PAFAH1B1: variants seen among roughly 807,000 people sequenced by gnomAD.
PAFAH1B1 encodes platelet-activating factor acetylhydrolase IB subunit beta.
Under a neutral mutation model 57.5 loss-of-function variants are expected in PAFAH1B1, and 2 were observed. The observed-to-expected ratio is 0.03, with a 90% CI of 0.01 to 0.11. The LOEUF is 0.11. Among genes scored for constraint, PAFAH1B1 ranks in the 10% least tolerant of loss-of-function variants. The pLI is 1.00. For synonymous variants in PAFAH1B1, 152 were observed against 169.6 expected (o/e 0.90, Z 0.81); for missense variants, 257 against 512.0 (o/e 0.50, Z 4.81).
At chr17:2,632,003 T>A (rs1170778258) in intron 1 of PAFAH1B1, among the ~76,000 whole-genome samples, 2 of 152,256 alleles carry the variant, frequency 1.3e-5, no homozygotes, top group Non-Finnish European at 2.9e-5. Flanking sequence ...ATTCAAAGCC[T>A]GTCTTGTTTC....
chr17:2,637,464 G>A (rs1023846805), intron 1 of PAFAH1B1, among the ~76,000 whole-genome samples: 3 of 152,036 alleles, frequency 2.0e-5, no homozygotes, highest in East Asian at 3.9e-4. Flanking sequence ...TGTGCCTGTC[G>A]TCCCAGCTGC....
At chr17:2,674,324 C>A in intron 8 of PAFAH1B1, 36 bp downstream of exon 8, 1 of 1,470,414 alleles carries the variant, frequency 6.8e-7, no homozygotes, top group Non-Finnish European at 9.5e-7. Flanking sequence ...GGTTTTATTG[C>A]TGATATCTGA....
intron 1 of PAFAH1B1, among the ~76,000 whole-genome samples, chr17:2,601,049 G>A (rs1314850879): frequency 6.6e-6 from 1 of 151,996 alleles, no homozygotes; most frequent in Non-Finnish European, 1.5e-5. Flanking sequence ...ACTTTTTATG[G>A]GTGAGGAAAG....
At chr17:2,609,313 G>A (rs1208858718) in intron 1 of PAFAH1B1, among the ~76,000 whole-genome samples, 1 of 149,150 alleles carries the variant, frequency 6.7e-6, no homozygotes, top group African/African-American at 2.5e-5. Flanking sequence ...CCCGGCTCCC[G>A]CTGCCTGCCT....
intron 1 of PAFAH1B1, among the ~76,000 whole-genome samples, chr17:2,595,515 A>T (rs1420302517): frequency 6.7e-6 from 1 of 148,412 alleles, no homozygotes; most frequent in Non-Finnish European, 1.5e-5. Flanking sequence ...TGTCATAGTG[A>T]TGTTGAATAT....
intron 5 of PAFAH1B1, 90 bp downstream of exon 5, chr17:2,667,288 T>G (rs571618081): frequency 2.3e-6 from 2 of 877,776 alleles, no homozygotes; most frequent in Non-Finnish European, 3.8e-6. Context: ...GAGCCGAGAT[T>G]GCACCACTGC....
upstream of PAFAH1B1, among the ~76,000 whole-genome samples, chr17:2,593,488 C>A (rs1208663224): frequency 5.3e-5 from 8 of 151,814 alleles, no homozygotes; most frequent in South Asian, 6.2e-4. Flanking sequence ...GCCGCCCGCC[C>A]GCTAGAAGGC....
chr17:2,638,649 A>C (rs1485224785), intron 2 of PAFAH1B1: 1 of 267,718 alleles, frequency 3.7e-6, no homozygotes. Context: ...CTGGGATTAC[A>C]GGCACCCGCT....
At chr17:2,647,819 A>C (rs533906140) in intron 2 of PAFAH1B1, among the ~76,000 whole-genome samples, 2 of 151,792 alleles carry the variant, frequency 1.3e-5, no homozygotes, top group Non-Finnish European at 2.9e-5. Context: ...CCTGGCTAAC[A>C]CAGTGAAACT....
intron 2 of PAFAH1B1, among the ~76,000 whole-genome samples, chr17:2,663,500 G>A (rs1245546177): frequency 4.0e-5 from 6 of 151,894 alleles, no homozygotes; most frequent in East Asian, 1.9e-4. Flanking sequence ...CCATTCTCCC[G>A]CCTCAGCCTC....
intron 1 of PAFAH1B1, among the ~76,000 whole-genome samples, chr17:2,607,515 C>T (rs538730202): frequency 2.0e-5 from 3 of 151,532 alleles, no homozygotes; most frequent in East Asian, 3.9e-4. Flanking sequence ...GATGGAGTCC[C>T]GCTCTATCAC....
chr17:2,606,576 T>C (rs149367912), intron 1 of PAFAH1B1, among the ~76,000 whole-genome samples: 133 of 152,228 alleles, frequency 8.7e-4, no homozygotes, highest in African/African-American at 3.1e-3. Flanking sequence ...TTGGCCAGGC[T>C]GGTCTTGAGC....
chr17:2,659,403 G>GGT (rs1426368622), intron 2 of PAFAH1B1: 3 of 269,626 alleles, frequency 1.1e-5, no homozygotes, highest in Admixed American at 4.8e-5. Flanking sequence ...TGGGCATGGT[G>GGT]GCACACGCCT....
At chr17:2,634,244 C>G (rs1300555436) in intron 1 of PAFAH1B1, among the ~76,000 whole-genome samples, 7 of 152,180 alleles carry the variant, frequency 4.6e-5, no homozygotes, top group African/African-American at 1.7e-4. Flanking sequence ...TCAAGCGATT[C>G]TCCTGCCTCA....
At chr17:2,659,009 T>C (rs956743636) in intron 2 of PAFAH1B1, among the ~76,000 whole-genome samples, 14 of 152,200 alleles carry the variant, frequency 9.2e-5, no homozygotes, top group Non-Finnish European at 1.9e-4. Flanking sequence ...ATCCCAGCAC[T>C]TTGGGCCAAG....
At chr17:2,615,062 A>AAATGAT (rs1175182747) in intron 1 of PAFAH1B1, among the ~76,000 whole-genome samples, 2 of 152,204 alleles carry the variant, frequency 1.3e-5, no homozygotes, top group Non-Finnish European at 2.9e-5. Context: ...TATTCAGACA[A>AAATGAT]AATGATAGTT....
chr17:2,620,862 CA>C (rs1567531895), intron 1 of PAFAH1B1, among the ~76,000 whole-genome samples: 1 of 150,540 alleles, frequency 6.6e-6, no homozygotes, highest in South Asian at 2.1e-4. Flanking sequence ...AACTCTGTCT[CA>C]AAAAAAAAGT....
intron 1 of PAFAH1B1, among the ~76,000 whole-genome samples, chr17:2,594,334 C>T (rs1322438726): frequency 6.6e-6 from 1 of 152,226 alleles, no homozygotes. Flanking sequence ...AAGGGATCGC[C>T]CTCCTCCCTC....
chr17:2,664,843 C>T (rs1817138581), intron 2 of PAFAH1B1, among the ~76,000 whole-genome samples: 1 of 152,174 alleles, frequency 6.6e-6, no homozygotes. Context: ...CATTCTACGA[C>T]AGTACACTAA....
Sources: gnomAD v4.1 joint callset for allele counts (sites outside exome capture counted in the v4.1 genomes callset) on GRCh38, gnomAD v4.1.1 for gene constraint, MANE v1.5 for transcripts, NCBI Gene and HGNC (gene_info 2026-07-23, HGNC 2026-07-21) for gene names.